CDC42BPA: variants seen among roughly 807,000 people sequenced by gnomAD.
CDC42BPA encodes the protein serine/threonine-protein kinase MRCK alpha.
CDC42BPA carries 80 observed loss-of-function variants against 223.5 expected under a neutral mutation model. That is an observed-to-expected ratio of 0.36 (90% CI 0.30 to 0.43). The LOEUF is 0.43. CDC42BPA is among the 20% of genes least tolerant of loss of function. The probability of loss-of-function intolerance (pLI) is 1.00; values close to 1 mark genes in which losing one functional copy is unlikely to be tolerated. For missense variants in CDC42BPA, 1,743 were observed against 2,099.9 expected (o/e 0.83, Z 3.32); for synonymous variants, 694 against 718.6 (o/e 0.97, Z 0.55).
chr1:227,129,660 G>A (rs996276296), intron 10 of CDC42BPA, among the ~76,000 whole-genome samples: 38 of 40,272 alleles, frequency 9.4e-4, no homozygotes, highest in African/African-American at 4.1e-3. Context: ...AAGTGAGACT[G>A]TATCTCAAAA....
Position 227,317,031 on chromosome 1 carries a change from T to C in CDC42BPA, c.152A>G (p.Lys51Arg). 2 of 1,613,688 alleles carry C rather than the reference T, an allele frequency of 1.2e-6. No homozygotes were observed. Among genetic ancestry groups the C allele is most frequent in the Admixed American group, 1.7e-5 (1 of 59,960 alleles). The change falls in exon 1 of 37, where the codon AAG becomes AGG. Residue 51 changes from lysine (K) to arginine (R), a missense_variant. Coordinates refer to ENST00000366766, the MANE Select transcript of CDC42BPA (RefSeq NM_001394014.1). ...CCATTCTAGGTATTCGAGAATGTTC[T>C]TCTCTCTTCTCAATGGAGAATTATT... Reference protein sequence around the residue: ...ECNNSPLRREKNILEYLEWAK... With the variant: ...ECNNSPLRRERNILEYLEWAK...
At position 227,317,129 on chromosome 1, in the gene CDC42BPA, G is replaced by T; in HGVS notation, c.54C>A (p.Pro18=). The T allele has an allele frequency of 6.2e-7, 1 of 1,613,996 alleles. No individual in the cohort carries two copies. The highest frequency in any genetic ancestry group is 1.6e-4 in the Middle Eastern group (1 of 6,062). Residue 18 remains proline (P), a synonymous_variant, in exon 1 of 37, where the codon CCC becomes CCA. Transcript: ENST00000366766. ...RQLEQFILDG[P]AQTNGQCFSV... is the part of the protein sequence containing the mutation. ...TGAAGCACTGCCCATTGGTCTGAGC[G>T]GGCCCGTCCAAAATAAACTGCTCCA...
Position 227,202,675 on chromosome 1 carries a change from C to G in CDC42BPA, c.355-3023G>C, listed in dbSNP as rs112787569. Among the ~76,000 whole-genome samples, 228 of 149,450 alleles carry G rather than the reference C, an allele frequency of 1.5e-3. 2 individuals carry two copies. Among genetic ancestry groups the G allele is most frequent in the Non-Finnish European group, 1.6e-3 (109 of 67,694 alleles). On this transcript the variant is annotated intron_variant, in intron 3 of 36. Coordinates refer to ENST00000366766, the MANE Select transcript of CDC42BPA (RefSeq NM_001394014.1). ...AGTGGCTCATATCTGCAGTCCCACG[C>G]TTTGGGAAGTGAGGTGAGAGGATCG...
At chr1:227,145,383 T>C (rs1296261039) in intron 8 of CDC42BPA, 106 bp downstream of exon 8, 1 of 931,550 alleles carries the variant, frequency 1.1e-6, no homozygotes, top group Non-Finnish European at 1.6e-6. Context: ...TAATAACTGA[T>C]CATTGTAAAA....
intron 23 of CDC42BPA, among the ~76,000 whole-genome samples, chr1:227,043,329 C>A (rs1237225682): frequency 6.6e-6 from 1 of 151,082 alleles, no homozygotes; most frequent in Non-Finnish European, 1.5e-5. Flanking sequence ...AGGAGAACTG[C>A]TTAAACCTGG....
chr1:227,253,607 AATACATAC>A (rs1553419178), intron 2 of CDC42BPA, among the ~76,000 whole-genome samples: 70 of 116,546 alleles, frequency 6.0e-4, no homozygotes, highest in Middle Eastern at 9.9e-3. Flanking sequence ...AAAATAAATA[AATACATAC>A]ATACATACAT....
intron 32 of CDC42BPA, among the ~76,000 whole-genome samples, chr1:227,017,307 T>A (rs1166945185): frequency 3.3e-5 from 5 of 152,196 alleles, no homozygotes; most frequent in Non-Finnish European, 1.5e-5. Flanking sequence ...ATAATTTTAC[T>A]AGAAGAAAAC....
chr1:227,003,968 G>A (rs1271706847), intron 35 of CDC42BPA: 1 of 151,928 alleles, frequency 6.6e-6, no homozygotes, highest in African/African-American at 2.4e-5. Flanking sequence ...TCAAACATGT[G>A]TACTGCATGA....
intron 21 of CDC42BPA, 60 bp from the exon 22 acceptor site, chr1:227,052,045 G>T (rs10799381): frequency 0.63 from 637,398 of 1,005,604 alleles, 203,059 homozygotes; most frequent in East Asian, 0.72. Flanking sequence ...CAATGTGCAG[G>T]CTTAGCAAAT....
chr1:227,033,416 C>T lies in CDC42BPA; in HGVS notation c.3477-1G>A, dbSNP rs1403792369. 1.2e-6 allele frequency: 2 copies of T among 1,611,054 alleles called. No homozygotes were observed. Among genetic ancestry groups the T allele is most frequent in the Non-Finnish European group, 1.7e-6 (2 of 1,177,388 alleles). ...TGAACTCACAGAAAATTCTTCATCC[C>T]TGAACGAAAAGCAAAGCATTAAAAG... is the stretch of plus-strand genomic sequence containing the variant. On this transcript the variant is annotated splice_acceptor_variant, in intron 26 of 36. Transcript: ENST00000366766. LOFTEE classifies it high-confidence loss of function.
intron 2 of CDC42BPA, among the ~76,000 whole-genome samples, chr1:227,238,599 A>C (rs1199517672): frequency 6.6e-6 from 1 of 152,170 alleles, no homozygotes; most frequent in Non-Finnish European, 1.5e-5. Context: ...AAGTTTGTTG[A>C]CCCACAGTCT....
chr1:227,109,388 CAGAG>C (rs1412190733), intron 14 of CDC42BPA, among the ~76,000 whole-genome samples: 2 of 151,576 alleles, frequency 1.3e-5, no homozygotes, highest in Non-Finnish European at 2.9e-5. Flanking sequence ...TTTTTTGAGA[CAGAG>C]TCTCACTCTG....
intron 21 of CDC42BPA, among the ~76,000 whole-genome samples, chr1:227,058,415 C>T (rs747963407): frequency 4.6e-5 from 7 of 152,140 alleles, no homozygotes; most frequent in South Asian, 2.1e-4. Context: ...TAGAACTTTC[C>T]GAGTCTAAGA....
At chr1:227,061,673 C>T (rs1403959789) in intron 21 of CDC42BPA, among the ~76,000 whole-genome samples, 1 of 152,180 alleles carries the variant, frequency 6.6e-6, no homozygotes, top group African/African-American at 2.4e-5. Context: ...CTGACCATTC[C>T]CCTCCTTAAA....
intron 2 of CDC42BPA, among the ~76,000 whole-genome samples, chr1:227,249,622 T>C (rs577089299): frequency 6.6e-6 from 1 of 152,276 alleles, no homozygotes; most frequent in South Asian, 2.1e-4. Flanking sequence ...AATCCAATTT[T>C]TAAAATGGGC....
intron 3 of CDC42BPA, among the ~76,000 whole-genome samples, chr1:227,209,361 C>T (rs971301957): frequency 7.0e-6 from 1 of 142,980 alleles, no homozygotes; most frequent in Non-Finnish European, 1.5e-5. Context: ...CTTCTCCTGC[C>T]TAATTGCCCT....
intron 1 of CDC42BPA, among the ~76,000 whole-genome samples, chr1:227,290,145 C>T (rs1689461913): frequency 6.6e-6 from 1 of 152,186 alleles, no homozygotes; most frequent in African/African-American, 2.4e-5. Context: ...ACCATTTCAA[C>T]TTTATTTCCC....
chr1:227,289,941 C>T (rs1384324443), intron 1 of CDC42BPA, among the ~76,000 whole-genome samples: 5 of 150,176 alleles, frequency 3.3e-5, no homozygotes, highest in Admixed American at 6.6e-5. Context: ...GTCCCAGCTA[C>T]TGGGAGGCTC....
intron 1 of CDC42BPA, among the ~76,000 whole-genome samples, chr1:227,276,760 A>C (rs1410154990): frequency 2.0e-5 from 3 of 152,190 alleles, no homozygotes; most frequent in Non-Finnish European, 2.9e-5. Flanking sequence ...GGATGCTGTT[A>C]ATCTATAACC....
Sources: gnomAD v4.1 joint callset for allele counts (sites outside exome capture counted in the v4.1 genomes callset) on GRCh38, gnomAD v4.1.1 for gene constraint, MANE v1.5 for transcripts, NCBI Gene and HGNC (gene_info 2026-07-23, HGNC 2026-07-21) for gene names.